The following GREB1 variants were observed in gnomAD, a reference collection of about 807,000 sequenced individuals.
GREB1 encodes the protein protein GREB1.
Under a neutral mutation model 200.7 loss-of-function variants are expected in GREB1, and 106 were observed. The ratio of observed to expected loss-of-function variants is 0.53; its 90% CI spans 0.45 to 0.62. The LOEUF (loss-of-function observed/expected upper bound fraction) is 0.62. GREB1 is among the 20% of genes least tolerant of loss of function. GREB1 has a pLI of 0.00. For synonymous variants in GREB1, 1,132 were observed against 1,092.4 expected, an observed-to-expected ratio of 1.04 and a Z score of -0.72; for missense variants, 2,243 against 2,556.8, an observed-to-expected ratio of 0.88 and a Z score of 2.65.
In GREB1 at chr2:11,637,628, T is replaced by C; in HGVS notation, c.5347-88T>C. On this transcript the variant is annotated intron_variant, in intron 30 of 32. Coordinates refer to ENST00000381486, the MANE Select transcript of GREB1 (RefSeq NM_014668.4). ...TTCCCCTGAGTGACACAAGCTCCCA[T>C]GCTTGGGCCACCCTTGCAGCCCGGA... 8 of 1,168,902 alleles carry C rather than the reference T, an allele frequency of 6.8e-6. 1 individual carries two copies. The Admixed American group carries it at 1.3e-4, about 19-fold the overall frequency. The allele number at this position is 1,168,902 out of a possible 1,614,324, so 72.4% of individuals were successfully genotyped here.
At chr2:11,638,353 C>T (rs577412100) in intron 31 of GREB1, among the ~76,000 whole-genome samples, 1 of 152,286 alleles carries the variant, frequency 6.6e-6, no homozygotes, top group African/African-American at 2.4e-5. Flanking sequence ...GTTGTCCAGG[C>T]TGGTCTCCAA....
In GREB1 at chr2:11,520,029, G is replaced by T. The variant is rs143591505; in HGVS notation, c.-158-36428G>T. On this transcript the variant is annotated intron_variant, in intron 1 of 2. Transcript: ENST00000628795. ...GCCTTGGGTTTGTGGTCCCAGCTAC[G>T]CAAGAGGCTGAGATGGGAGGATCAC... Among the ~76,000 whole-genome samples, 19 of 152,104 alleles carry T rather than the reference G, an allele frequency of 1.2e-4. No individual in the cohort carries two copies. The East Asian group carries it at 1.8e-3, about 14-fold the overall frequency.
chr2:11,592,019 G>A, intron 10 of GREB1: 1 of 982,718 alleles, frequency 1.0e-6, no homozygotes, highest in Non-Finnish European at 1.2e-6. Flanking sequence ...TGGAGTAGGA[G>A]AAAGCCTATA....
chr2:11,618,992 C>G, intron 22 of GREB1, 73 bp downstream of exon 22: 1 of 1,332,904 alleles, frequency 7.5e-7, no homozygotes, highest in Non-Finnish European at 9.9e-7. Context: ...GAGGGCAGGC[C>G]TGGGGGTGAC....
rs543305626 is a variant in GREB1, at chr2:11,597,798, C to T, written c.1972C>T (p.His658Tyr). The T allele has an allele frequency of 5.0e-6, 8 of 1,614,178 alleles. No individual in the cohort carries two copies. In the East Asian group the frequency reaches 1.3e-4, roughly 27 times the overall value. The change falls in exon 14 of 33, where the codon CAC (histidine) becomes TAC (tyrosine). Residue 658 changes from histidine to tyrosine, a missense_variant. Physicochemically the swap from His to Tyr is moderately conservative, Grantham distance 83. This residue lies in a region of GREB1 where 1,178 missense variants were observed against 1,387.4 expected (regional missense o/e 0.85). Transcript: ENST00000381486. This position sits in a 1 kb window ranked among gnomAD's most constrained non-coding sequence, Gnocchi z 4.1. The stretch of plus-strand genomic sequence containing the variant: ...GGTTCCAGGTTACAATCTGGAGCCA[C>T]ACAGCATCCGGCCCTTCCAGCTGGC... ...PVCTSYNLEP[H>Y]SIRPFQLAVA...
chr2:11,507,116 A>G (rs757745038), intron 1 of GREB1, among the ~76,000 whole-genome samples: 1 of 152,316 alleles, frequency 6.6e-6, no homozygotes, highest in African/African-American at 2.4e-5. Context: ...ATGATTAATT[A>G]TAGTAATAAC....
chr2:11,599,350 C>CT (rs36118492), intron 15 of GREB1, among the ~76,000 whole-genome samples: 2 of 137,862 alleles, frequency 1.5e-5, no homozygotes, highest in Non-Finnish European at 1.6e-5. Context: ...TTTTTTTTTC[C>CT]TTTTTTTGAG....
chr2:11,518,848 C>T (rs1189418648), intron 1 of GREB1, among the ~76,000 whole-genome samples: 5 of 152,014 alleles, frequency 3.3e-5, no homozygotes, highest in Non-Finnish European at 5.9e-5. Context: ...TCTGTAATCC[C>T]AGCACTTTGG....
intron 9 of GREB1, chr2:11,588,161 A>T (rs1680358354): frequency 2.1e-6 from 1 of 487,664 alleles, no homozygotes; most frequent in Admixed American, 5.7e-5. Context: ...CTTGGGAGGC[A>T]GAGGTTGTGG....
intron 23 of GREB1, 121 bp from the exon 24 acceptor site, chr2:11,625,033 A>G (rs746984298): frequency 1.3e-6 from 1 of 784,874 alleles, no homozygotes. Flanking sequence ...ATGTTAGCAC[A>G]GTGACAGAAT....
At chr2:11,512,741 CT>C (rs1156751555) in intron 1 of GREB1, among the ~76,000 whole-genome samples, 1 of 152,216 alleles carries the variant, frequency 6.6e-6, no homozygotes, top group African/African-American at 2.4e-5. Flanking sequence ...TCTCACACGG[CT>C]GTTGGAAGGC....
At chr2:11,499,030 G>T (rs927008047) in intron 1 of GREB1, among the ~76,000 whole-genome samples, 9 of 152,108 alleles carry the variant, frequency 5.9e-5, no homozygotes, top group Non-Finnish European at 1.2e-4. Flanking sequence ...GTGGTGGGGG[G>T]GTGGAACATA....
At chr2:11,625,361 C>T in intron 24 of GREB1, 49 bp downstream of exon 24, 1 of 1,561,178 alleles carries the variant, frequency 6.4e-7, no homozygotes, top group Non-Finnish European at 8.8e-7. Context: ...ATGGGCACAG[C>T]CTCTTAAAGG....
chr2:11,576,578 C>T (rs1192624161), intron 5 of GREB1, 43 bp downstream of exon 5: 1 of 1,503,166 alleles, frequency 6.7e-7, no homozygotes. Context: ...GTGCTGGGCC[C>T]CCAAGTGGGC....
In GREB1 at chr2:11,629,207, A is replaced by C. The variant is rs1056592197; in HGVS notation, c.4450-741A>C. Among the ~76,000 whole-genome samples, 8 of 152,066 alleles carry C rather than the reference A, an allele frequency of 5.3e-5. No homozygotes were observed. The highest frequency in any genetic ancestry group is 1.9e-4 in the African/African-American group (8 of 41,480). On this transcript the variant is annotated intron_variant, in intron 25 of 32. Coordinates refer to ENST00000381486, the MANE Select transcript of GREB1 (RefSeq NM_014668.4). This position sits in a 1 kb window ranked among gnomAD's most constrained non-coding sequence, Gnocchi z 5.2. ...GGATGCATGCATAGCACATGCTAGGAGGGGATGTCAGTAGGAAGGGCCGTG... is the reference window on the plus strand; with the variant it reads ...GGATGCATGCATAGCACATGCTAGGCGGGGATGTCAGTAGGAAGGGCCGTG...
At chr2:11,518,469 G>A (rs1049395971) in intron 1 of GREB1, among the ~76,000 whole-genome samples, 1 of 148,370 alleles carries the variant, frequency 6.7e-6, no homozygotes, top group South Asian at 2.2e-4. Context: ...TCAGGGCATC[G>A]AATGAGAATG....
intron 24 of GREB1, among the ~76,000 whole-genome samples, 192 bp downstream of exon 24, chr2:11,625,504 G>A (rs965962759): frequency 3.9e-5 from 6 of 152,176 alleles, no homozygotes; most frequent in Admixed American, 1.3e-4. Flanking sequence ...GAAGAGTGTT[G>A]CTCAGGAAGT....
rs532052270 is a variant in GREB1 at position 11,629,017 on chromosome 2, C to G, written c.4450-931C>G. Reference sequence around the variant, plus strand: ...CTTTGCCTCCCAAGGCTCCCTTGACCTTTTTTATGAAACTGCCTCAGTGTG... The same window carrying G: ...CTTTGCCTCCCAAGGCTCCCTTGACGTTTTTTATGAAACTGCCTCAGTGTG... On this transcript the variant is annotated intron_variant, in intron 25 of 32. Transcript: ENST00000381486. The surrounding 1 kb of genome is among the most constrained non-coding windows in gnomAD (Gnocchi z 5.2). Among the ~76,000 whole-genome samples the G allele has an allele frequency of 3.9e-5, 6 of 152,296 alleles. No individual in the cohort carries two copies. The highest frequency in any genetic ancestry group is 7.4e-5 in the Non-Finnish European group (5 of 68,022).
chr2:11,568,701 C>G (rs536959615), intron 4 of GREB1, among the ~76,000 whole-genome samples: 16 of 152,356 alleles, frequency 1.1e-4, no homozygotes, highest in African/African-American at 3.4e-4. Flanking sequence ...CAAGGAGGCT[C>G]TGCCTGTTGG....
Sources: gnomAD v4.1 joint callset for allele counts (sites outside exome capture counted in the v4.1 genomes callset) on GRCh38, gnomAD v4.1.1 for gene constraint, gnomAD v4.1.1 regional missense constraint, Gnocchi (gnomAD v3.1) non-coding constraint, MANE v1.5 for transcripts, NCBI Gene and HGNC (gene_info 2026-07-23, HGNC 2026-07-21) for gene names.